PCDH11X: variants seen among roughly 807,000 people sequenced by gnomAD.
PCDH11X encodes the protein protocadherin 11 X-linked, also known as protocadherin-11 X-linked.
Under a neutral mutation model 53.3 loss-of-function variants are expected in PCDH11X, and 18 were observed. The ratio of observed to expected loss-of-function variants is 0.34; its 90% CI spans 0.23 to 0.50. PCDH11X has a LOEUF of 0.50. Ranked by LOEUF, PCDH11X falls within the 20% of genes least tolerant of loss-of-function variation. PCDH11X has a pLI of 0.98. For missense variants in PCDH11X, 570 were observed against 1,032.4 expected (o/e 0.55, Z 6.14); for synonymous variants, 279 against 393.3 (o/e 0.71, Z 3.44).
intron 6 of PCDH11X, among the ~76,000 whole-genome samples, chrX:92,190,654 A>G (rs2066177794): frequency 9.0e-6 from 1 of 111,618 alleles, no homozygotes; most frequent in African/African-American, 3.3e-5. Context: ...GTTTCTTTTA[A>G]AACAAAATTT....
At chrX:92,037,784 C>G (rs1183759228) in intron 6 of PCDH11X, among the ~76,000 whole-genome samples, 1 of 110,955 alleles carries the variant, frequency 9.0e-6, no homozygotes, top group Non-Finnish European at 1.9e-5. Flanking sequence ...TTGTATTTCT[C>G]TAATGATCAG....
intron 10 of PCDH11X, among the ~76,000 whole-genome samples, chrX:92,558,191 C>A (rs1435864111): frequency 9.1e-6 from 1 of 109,717 alleles, no homozygotes; most frequent in African/African-American, 3.3e-5. Flanking sequence ...ACAGGTGACT[C>A]AGTATTTGAA....
chrX:92,218,688 C>G (rs1055117797), intron 7 of PCDH11X, among the ~76,000 whole-genome samples: 5 of 111,724 alleles, frequency 4.5e-5, no homozygotes, highest in African/African-American at 1.6e-4. Context: ...TCCTCCCCAA[C>G]TCATTTTATG....
chrX:91,786,327 A>G (rs1329448248), intron 1 of PCDH11X, among the ~76,000 whole-genome samples: 1 of 110,145 alleles, frequency 9.1e-6, no homozygotes, highest in Non-Finnish European at 1.9e-5. Flanking sequence ...AGATAAATGA[A>G]AGGAGAGAAT....
At chrX:92,218,255 G>C (rs1459669186) in intron 7 of PCDH11X, among the ~76,000 whole-genome samples, 1 of 110,044 alleles carries the variant, frequency 9.1e-6, no homozygotes, top group East Asian at 2.9e-4. Context: ...AATGAATCCA[G>C]GAGCTGGTTT....
intron 7 of PCDH11X, among the ~76,000 whole-genome samples, chrX:92,204,696 T>A (rs1257842962): frequency 1.8e-5 from 2 of 112,445 alleles, no homozygotes; most frequent in African/African-American, 6.5e-5. Context: ...TATCCTTATA[T>A]CAGCACCCCA....
intron 8 of PCDH11X, among the ~76,000 whole-genome samples, chrX:92,370,377 T>C (rs1266551574): frequency 1.8e-5 from 2 of 108,729 alleles, no homozygotes; most frequent in African/African-American, 6.7e-5. Context: ...GTGTACTCTT[T>C]TGATCTCGCG....
At position 92,432,240 on chromosome X, in the gene PCDH11X, AT is replaced by A. The variant is rs758639337; in HGVS notation, c.3344-36057del. ...CACCATTCTCTTAAAGTTTCTAATG[AT>A]TAGTAATTTCTACAACCATCTGTAT... is the stretch of plus-strand genomic sequence containing the variant. On this transcript the variant is annotated intron_variant, in intron 9 of 10. Coordinates refer to ENST00000682573, the MANE Select transcript of PCDH11X (RefSeq NM_032968.5). Among the ~76,000 whole-genome samples, 7 of 110,835 alleles carry A rather than the reference AT, an allele frequency of 6.3e-5. No homozygotes were observed. In the South Asian group the frequency reaches 2.6e-3, roughly 41 times the overall value.
chrX:92,575,997 TATATATATATATATACACAC>T (rs1294736120), intron 10 of PCDH11X, among the ~76,000 whole-genome samples: 9 of 63,558 alleles, frequency 1.4e-4, no homozygotes, highest in African/African-American at 2.8e-4. Flanking sequence ...TATATATATA[TATATATATATATATACACAC>T]ACACACACAC....
intron 10 of PCDH11X, among the ~76,000 whole-genome samples, chrX:92,594,533 T>A (rs1247715829): frequency 6.4e-5 from 7 of 108,831 alleles, no homozygotes; most frequent in Non-Finnish European, 1.1e-4. Context: ...GATTGTTATG[T>A]TATTATGTGC....
intron 7 of PCDH11X, among the ~76,000 whole-genome samples, chrX:92,206,353 A>T (rs2066476009): frequency 9.0e-6 from 1 of 111,525 alleles, no homozygotes; most frequent in South Asian, 3.8e-4. Context: ...GAATTTTAAA[A>T]GCAATATTCT....
At chrX:91,887,955 AT>A (rs1940308010) in intron 6 of PCDH11X, among the ~76,000 whole-genome samples, 1 of 111,840 alleles carries the variant, frequency 8.9e-6, no homozygotes, top group Non-Finnish European at 1.9e-5. Flanking sequence ...CTTTAAAAAA[AT>A]ACCATCTAAT....
chrX:91,878,137 A>C lies in PCDH11X; in HGVS notation c.1897A>C (p.Arg633=). 8.3e-7 allele frequency: 1 copy of C among 1,203,936 alleles called. No individual in the cohort carries two copies. The highest frequency in any genetic ancestry group is 3.0e-5 in the East Asian group (1 of 33,624). Reference sequence around the variant, plus strand: ...CATCCGACCAAATATTTCATTTGATAGAGAAAAACAAGAATCTTACACTTT... The same window carrying C: ...CATCCGACCAAATATTTCATTTGATCGAGAAAAACAAGAATCTTACACTTT... The part of the protein sequence containing the change: ...GVIRPNISFD[R]EKQESYTFYV... The change falls in exon 6 of 11, where the codon AGA becomes CGA. Residue 633 remains arginine (R), a synonymous_variant. Transcript: ENST00000682573.
intron 6 of PCDH11X, among the ~76,000 whole-genome samples, chrX:91,948,638 G>A (rs2061603860): frequency 9.1e-6 from 1 of 109,651 alleles, no homozygotes; most frequent in Non-Finnish European, 1.9e-5. Context: ...TAAATAAGGT[G>A]AGGAAGGTCC....
intron 6 of PCDH11X, among the ~76,000 whole-genome samples, chrX:92,052,113 T>C (rs1172720684): frequency 9.0e-6 from 1 of 111,688 alleles, no homozygotes; most frequent in African/African-American, 3.2e-5. Context: ...TCAGAGGAGT[T>C]GGAATGAATG....
At chrX:92,195,169 C>G (rs2066272339) in intron 6 of PCDH11X, among the ~76,000 whole-genome samples, 1 of 111,344 alleles carries the variant, frequency 9.0e-6, no homozygotes, top group African/African-American at 3.3e-5. Flanking sequence ...CAATCCGGTA[C>G]CAAACCATCT....
chrX:91,969,050 A>G (rs2061907644), intron 6 of PCDH11X, among the ~76,000 whole-genome samples: 1 of 111,013 alleles, frequency 9.0e-6, no homozygotes, highest in African/African-American at 3.3e-5. Flanking sequence ...TTCCATTTGC[A>G]TGATTATAGA....
chrX:92,554,753 CT>C (rs1186634831), intron 10 of PCDH11X, among the ~76,000 whole-genome samples: 1 of 109,828 alleles, frequency 9.1e-6, no homozygotes, highest in Admixed American at 9.7e-5. Flanking sequence ...TAACTTACAC[CT>C]ATTTTTGTCA....
intron 9 of PCDH11X, among the ~76,000 whole-genome samples, chrX:92,401,403 A>G (rs2071385299): frequency 9.0e-6 from 1 of 110,832 alleles, no homozygotes; most frequent in South Asian, 3.8e-4. Context: ...TTAATATTAC[A>G]TTTTTTTCTT....
Sources: allele counts gnomAD v4.1 joint callset (sites outside exome capture counted in the v4.1 genomes callset), GRCh38; gene constraint gnomAD v4.1.1; transcripts MANE v1.5; gene names NCBI Gene and HGNC (gene_info 2026-07-23, HGNC 2026-07-21).